The following PNPT1 variants were observed in gnomAD, a reference collection of about 807,000 sequenced individuals.
PNPT1 encodes the protein polyribonucleotide nucleotidyltransferase 1, mitochondrial.
PNPT1 carries 53 observed loss-of-function variants against 119.5 expected under a neutral mutation model. That is an observed-to-expected ratio of 0.44 (90% confidence interval 0.36 to 0.56). PNPT1 has a LOEUF of 0.56. PNPT1 is among the 20% of genes least tolerant of loss of function. The pLI, the probability that PNPT1 is intolerant of heterozygous loss-of-function variation, is 0.00. For synonymous variants in PNPT1, 357 were observed against 322.1 expected (o/e 1.11, Z -1.16); for missense variants, 948 against 938.5 (o/e 1.01, Z -0.13).
At chr2:55,681,317 G>A (rs1244731496) in intron 5 of PNPT1, among the ~76,000 whole-genome samples, 2 of 152,086 alleles carry the variant, frequency 1.3e-5, no homozygotes, top group Non-Finnish European at 2.9e-5. Context: ...TGAGGCAGAA[G>A]AATCTCTTCA....
At chr2:55,687,013 C>T (rs1488631567) in intron 2 of PNPT1, among the ~76,000 whole-genome samples, 1 of 151,834 alleles carries the variant, frequency 6.6e-6, no homozygotes, top group Non-Finnish European at 1.5e-5. Flanking sequence ...AGGAGATCAA[C>T]ACCATCCTGG....
In PNPT1 at chr2:55,680,919, C is replaced by A; in HGVS notation, c.454-1G>T. The stretch of plus-strand genomic sequence containing the variant: ...CTACTGCTAACAGATTACACAGAAC[C>A]TGGTAAAAGGGAAAAAATTTGATTT... On this transcript the variant is annotated splice_acceptor_variant, in intron 5 of 27. Transcript: ENST00000447944. LOFTEE classifies it high-confidence loss of function. 6.2e-7 allele frequency: 1 copy of A among 1,612,140 alleles called. No homozygotes were observed. The highest frequency in any genetic ancestry group is 8.5e-7 in the Non-Finnish European group (1 of 1,179,446).
Position 55,636,116 on chromosome 2 carries a change from T to C in PNPT1, c.*121A>G, listed in dbSNP as rs1411318184. 3.3e-6 allele frequency: 2 copies of C among 614,396 alleles called. No individual in the cohort carries two copies. Among genetic ancestry groups the C allele is most frequent in the African/African-American group, 1.9e-5 (1 of 52,774 alleles). 38.1% of individuals were successfully genotyped at this position (614,396 alleles called of 1,614,324 possible). On this transcript the variant is annotated 3_prime_UTR_variant, in exon 28 of 28. Transcript: ENST00000447944. ...ATGTAAATGAGCATTTTAGTACAAA[T>C]AATTAAAATGTATTTATATTATATA...
intron 7 of PNPT1, among the ~76,000 whole-genome samples, 164 bp downstream of exon 7, chr2:55,680,548 A>G (rs969327011): frequency 1.3e-5 from 2 of 152,194 alleles, no homozygotes; most frequent in Admixed American, 6.5e-5. Context: ...CAAGACAAGG[A>G]TGAAAATGTC....
intron 1 of PNPT1, among the ~76,000 whole-genome samples, chr2:55,691,540 G>C (rs1367453385): frequency 1.3e-5 from 2 of 152,154 alleles, no homozygotes; most frequent in East Asian, 1.9e-4. Flanking sequence ...ACCTACAAAA[G>C]AGGAACAGGT....
intron 8 of PNPT1, among the ~76,000 whole-genome samples, chr2:55,678,102 G>A (rs1031451011): frequency 1.3e-5 from 2 of 152,136 alleles, no homozygotes; most frequent in Admixed American, 6.6e-5. Context: ...AACATGCTGG[G>A]CACTTTGCAA....
Position 55,636,200 on chromosome 2 carries a change from C to T in PNPT1, c.*37G>A. ...TTGCTCTACAGCACATCACCCTAGA[C>T]AAAATAGAATTCTAGAATTCTCTTT... On this transcript the variant is annotated 3_prime_UTR_variant, in exon 28 of 28. Transcript: ENST00000447944. 2 of 1,538,972 alleles carry T rather than the reference C, an allele frequency of 1.3e-6. No individual in the cohort carries two copies. Among genetic ancestry groups the T allele is most frequent in the South Asian group, 1.1e-5 (1 of 87,036 alleles).
intron 18 of PNPT1, among the ~76,000 whole-genome samples, chr2:55,651,040 G>A (rs1456190927): frequency 3.4e-5 from 5 of 146,820 alleles, no homozygotes; most frequent in African/African-American, 1.3e-4. Context: ...GAGCCCCTCT[G>A]CCTGGCCGGC....
chr2:55,674,027 A>G (rs1389096535), intron 8 of PNPT1, among the ~76,000 whole-genome samples: 1 of 152,206 alleles, frequency 6.6e-6, no homozygotes, highest in East Asian at 1.9e-4. Flanking sequence ...CTGGCAATAC[A>G]TATTTTAAAT....
At chr2:55,677,552 C>G (rs766841957) in intron 8 of PNPT1, among the ~76,000 whole-genome samples, 33 of 134,302 alleles carry the variant, frequency 2.5e-4, no homozygotes, top group Non-Finnish European at 4.9e-4. Context: ...TGAGATCGCA[C>G]TGCTGCACTC....
intron 14 of PNPT1, among the ~76,000 whole-genome samples, chr2:55,661,128 C>T (rs527697233): frequency 5.3e-5 from 7 of 132,058 alleles, no homozygotes; most frequent in South Asian, 2.4e-4. Flanking sequence ...GACAGAGTCT[C>T]GCTCTGTCGT....
At chr2:55,672,539 CA>C (rs973917783) in intron 9 of PNPT1, among the ~76,000 whole-genome samples, 2 of 152,306 alleles carry the variant, frequency 1.3e-5, no homozygotes, top group African/African-American at 4.8e-5. Context: ...AAGCACTGGG[CA>C]TGTAACAGTG....
intron 8 of PNPT1, among the ~76,000 whole-genome samples, chr2:55,674,210 G>C (rs1025748302): frequency 6.6e-6 from 1 of 152,188 alleles, no homozygotes; most frequent in African/African-American, 2.4e-5. Context: ...ATTAGAAATA[G>C]CTAAAGGAAG....
At chr2:55,683,746 G>T (rs767125428) in intron 5 of PNPT1, 39 bp downstream of exon 5, 13 of 1,544,474 alleles carry the variant, frequency 8.4e-6, no homozygotes, top group Admixed American at 1.8e-5. Context: ...AGTAATTTTT[G>T]ATTGATCTGG....
intron 18 of PNPT1, among the ~76,000 whole-genome samples, chr2:55,648,135 A>C (rs1176262024): frequency 6.6e-6 from 1 of 152,204 alleles, no homozygotes; most frequent in Non-Finnish European, 1.5e-5. Flanking sequence ...ATGGCAGCTA[A>C]CATTAGTGTA....
intron 3 of PNPT1, 148 bp downstream of exon 3, chr2:55,686,222 T>G (rs1162882843): frequency 1.5e-6 from 1 of 666,058 alleles, no homozygotes. Flanking sequence ...GTTTATACTC[T>G]TTTAATGAAT....
At chr2:55,678,545 C>T (rs1333681819) in intron 8 of PNPT1, among the ~76,000 whole-genome samples, 1 of 152,140 alleles carries the variant, frequency 6.6e-6, no homozygotes, top group Non-Finnish European at 1.5e-5. Flanking sequence ...TTTTTTCTTC[C>T]TCCTGCCTGT....
At chr2:55,690,884 T>A (rs1242642433) in intron 1 of PNPT1, among the ~76,000 whole-genome samples, 2 of 152,190 alleles carry the variant, frequency 1.3e-5, no homozygotes, top group African/African-American at 4.8e-5. Flanking sequence ...TCAAAACCAG[T>A]CACACTGTGT....
chr2:55,637,030 G>A (rs1234921124), intron 27 of PNPT1, among the ~76,000 whole-genome samples: 1 of 152,228 alleles, frequency 6.6e-6, no homozygotes, highest in African/African-American at 2.4e-5. Context: ...ATGCGTATTA[G>A]CGTAAGTGAA....
Sources: allele counts gnomAD v4.1 joint callset (sites outside exome capture counted in the v4.1 genomes callset), GRCh38; gene constraint gnomAD v4.1.1; transcripts MANE v1.5; gene names NCBI Gene and HGNC (gene_info 2026-07-23, HGNC 2026-07-21).